Variants in RREB1 observed in about 807,000 individuals in gnomAD.
The protein encoded by RREB1 is ras-responsive element-binding protein 1.
In RREB1, 27 loss-of-function variants were observed where a neutral mutation model predicts 117.8. The ratio of observed to expected loss-of-function variants is 0.23; its 90% CI spans 0.17 to 0.32. The LOEUF (loss-of-function observed/expected upper bound fraction) is 0.32. RREB1 is among the 10% of genes least tolerant of loss of function. The pLI is 1.00. For synonymous variants in RREB1, 1,298 were observed against 1,026.7 expected (o/e 1.26, Z -5.05); for missense variants, 2,577 against 2,378.2 (o/e 1.08, Z -1.74).
chr6:7,201,341 C>CT (rs1765964986), intron 6 of RREB1, among the ~76,000 whole-genome samples: 1 of 152,152 alleles, frequency 6.6e-6, no homozygotes, highest in Admixed American at 6.5e-5. Flanking sequence ...CTTCACAGGG[C>CT]TTTATACCTT....
intron 11 of RREB1, among the ~76,000 whole-genome samples, chr6:7,241,037 G>A (rs986485621): frequency 6.6e-6 from 1 of 152,164 alleles, no homozygotes; most frequent in African/African-American, 2.4e-5. Flanking sequence ...GGCTCCCTGG[G>A]ATATCAGGGT....
intron 6 of RREB1, among the ~76,000 whole-genome samples, chr6:7,208,594 C>T (rs1028603919): frequency 6.6e-6 from 1 of 152,196 alleles, no homozygotes; most frequent in African/African-American, 2.4e-5. Context: ...TGGAGTGAGC[C>T]GCTGTCTGTC....
At chr6:7,185,768 C>T (rs1422215690) in intron 4 of RREB1, among the ~76,000 whole-genome samples, 1 of 152,122 alleles carries the variant, frequency 6.6e-6, no homozygotes, top group Non-Finnish European at 1.5e-5. Flanking sequence ...AGAGTGTTTC[C>T]TTTCCGTGCC....
At position 7,156,574 on chromosome 6, in the gene RREB1, C is replaced by T. The variant is rs367872527; in HGVS notation, c.-284-20081C>T. 1.5e-4 allele frequency among the ~76,000 whole-genome samples: 23 copies of T among 152,276 alleles called. No individual in the cohort carries two copies. The South Asian group carries it at 4.8e-3, about 32-fold the overall frequency. ...ATTCACCCTGAAAAAAATGTGAAAG[C>T]CATTTTGGGTTGGACATTTGTAAAA... On this transcript the variant is annotated intron_variant, in intron 1 of 12. Transcript: ENST00000379938.
At chr6:7,132,651 C>T (rs547575923) in intron 1 of RREB1, among the ~76,000 whole-genome samples, 11 of 152,188 alleles carry the variant, frequency 7.2e-5, no homozygotes, top group Admixed American at 5.9e-4. Context: ...TAGGCATGCA[C>T]CATTGTTGAA....
At chr6:7,200,137 T>C (rs971545720) in intron 6 of RREB1, among the ~76,000 whole-genome samples, 11 of 152,114 alleles carry the variant, frequency 7.2e-5, no homozygotes, top group African/African-American at 2.7e-4. Flanking sequence ...CTTTGTGTTT[T>C]TTTCTTTTCT....
intron 1 of RREB1, among the ~76,000 whole-genome samples, chr6:7,163,837 T>G (rs1008066483): frequency 6.6e-6 from 1 of 152,250 alleles, no homozygotes; most frequent in Admixed American, 6.5e-5. Context: ...TCCTCGGACA[T>G]ATCCAGTGAG....
chr6:7,120,087 C>T (rs527916089), intron 1 of RREB1, among the ~76,000 whole-genome samples: 86 of 151,460 alleles, frequency 5.7e-4, no homozygotes, highest in Non-Finnish European at 7.2e-4. Context: ...ATATTTATGT[C>T]CCCACCCCCA....
chr6:7,162,680 G>C (rs559197725), intron 1 of RREB1, among the ~76,000 whole-genome samples: 4 of 152,052 alleles, frequency 2.6e-5, no homozygotes, highest in Admixed American at 2.6e-4. Context: ...TATACAAACA[G>C]TATAGAATAT....
chr6:7,202,954 A>AT, intron 6 of RREB1, among the ~76,000 whole-genome samples: 1 of 152,282 alleles, frequency 6.6e-6, no homozygotes, highest in East Asian at 1.9e-4. Context: ...ATTACTATGT[A>AT]TTTTTGTGGA....
intron 1 of RREB1, among the ~76,000 whole-genome samples, chr6:7,171,381 G>A (rs997859044): frequency 2.6e-5 from 4 of 152,208 alleles, no homozygotes; most frequent in Non-Finnish European, 5.9e-5. Context: ...ATCTGGAAGG[G>A]CAGCAGTGAT....
chr6:7,193,362 T>C (rs1765509238), intron 6 of RREB1, among the ~76,000 whole-genome samples: 1 of 152,228 alleles, frequency 6.6e-6, no homozygotes. Flanking sequence ...GTTTATAGCA[T>C]TGTTCAAGTC....
chr6:7,246,737 G>T lies in RREB1; in HGVS notation c.4287G>T (p.Leu1429=). 1 of 1,577,034 alleles carries T rather than the reference G, an allele frequency of 6.3e-7. No homozygotes were observed. The highest frequency in any genetic ancestry group is 8.6e-7 in the Non-Finnish European group (1 of 1,161,844). The part of the protein sequence containing the change: ...DFATKLMDFK[L]AEGDGEAGAG... ...CCACCAAGCTCATGGACTTCAAGCTGGCGGAGGGCGACGGCGAGGCAGGCG... is the reference window on the plus strand; with the variant it reads ...CCACCAAGCTCATGGACTTCAAGCTTGCGGAGGGCGACGGCGAGGCAGGCG... The change falls in exon 12 of 13, where the codon CTG becomes CTT. Residue 1429 remains leucine (L), a synonymous_variant. Transcript: ENST00000379938.
intron 6 of RREB1, among the ~76,000 whole-genome samples, chr6:7,199,390 C>T (rs1266003497): frequency 3.3e-5 from 5 of 152,130 alleles, no homozygotes; most frequent in African/African-American, 1.2e-4. Flanking sequence ...CCCAGCAGTT[C>T]CTTATACATA....
chr6:7,207,312 A>G (rs1360751), intron 6 of RREB1, among the ~76,000 whole-genome samples: 23 of 152,144 alleles, frequency 1.5e-4, no homozygotes, highest in African/African-American at 5.3e-4. Flanking sequence ...CTTTGCAGAA[A>G]GGCAGTCACT....
intron 11 of RREB1, 88 bp from the exon 12 acceptor site, chr6:7,246,336 T>G (rs979229923): frequency 8.3e-6 from 10 of 1,208,456 alleles, no homozygotes; most frequent in Non-Finnish European, 9.9e-6. Context: ...GCTGCTGGCG[T>G]GGGTCTAGCC....
chr6:7,114,034 G>T (rs879408041), intron 1 of RREB1, among the ~76,000 whole-genome samples: 4 of 152,134 alleles, frequency 2.6e-5, no homozygotes, highest in Non-Finnish European at 4.4e-5. Context: ...GTCAAATTTT[G>T]CCTAGGAGTT....
intron 11 of RREB1, among the ~76,000 whole-genome samples, chr6:7,243,259 C>T (rs182603027): frequency 9.8e-4 from 149 of 152,338 alleles, no homozygotes; most frequent in Middle Eastern, 6.8e-3. Flanking sequence ...GTGGTTGAGG[C>T]TCATTTAATT....
chr6:7,110,114 T>C (rs1024231325), intron 1 of RREB1, among the ~76,000 whole-genome samples: 4 of 152,194 alleles, frequency 2.6e-5, no homozygotes, highest in South Asian at 2.1e-4. Flanking sequence ...ATATTTTTTT[T>C]CCCCTTTATA....
Sources: allele counts gnomAD v4.1 joint callset (sites outside exome capture counted in the v4.1 genomes callset), GRCh38; gene constraint gnomAD v4.1.1; transcripts MANE v1.5; gene names NCBI Gene and HGNC (gene_info 2026-07-23, HGNC 2026-07-21).